The following RYR3 variants were observed in gnomAD, a reference collection of about 807,000 sequenced individuals.
RYR3 encodes ryanodine receptor 3.
In RYR3, 207 loss-of-function variants were observed where a neutral mutation model predicts 584.3. The ratio of observed to expected loss-of-function variants is 0.35; its 90% CI spans 0.32 to 0.40. The LOEUF is 0.40. Ranked by LOEUF, RYR3 falls within the 10% of genes least tolerant of loss-of-function variation. RYR3 has a pLI of 1.00. For missense variants in RYR3, 5,616 were observed against 6,089.2 expected (o/e 0.92, Z 2.59); for synonymous variants, 2,416 against 2,248.5 (o/e 1.07, Z -2.11).
intron 1 of RYR3, among the ~76,000 whole-genome samples, chr15:33,356,020 A>G (rs930382667): frequency 6.6e-6 from 1 of 152,140 alleles, no homozygotes; most frequent in Non-Finnish European, 1.5e-5. Context: ...TCAGGTGGAG[A>G]TTTCCTGCAG....
intron 1 of RYR3, among the ~76,000 whole-genome samples, chr15:33,322,498 A>G (rs1463827061): frequency 6.6e-6 from 1 of 152,144 alleles, no homozygotes; most frequent in African/African-American, 2.4e-5. Flanking sequence ...CACCTCCAAC[A>G]CTGGGGATTA....
chr15:33,347,947 A>ATT (rs139105934), intron 1 of RYR3, among the ~76,000 whole-genome samples: 84 of 146,418 alleles, frequency 5.7e-4, no homozygotes, highest in East Asian at 3.8e-3. Context: ...TGCTACTGGC[A>ATT]TTTTTTTTTT....
At chr15:33,680,704 T>C (rs913524117) in intron 38 of RYR3, among the ~76,000 whole-genome samples, 1 of 152,228 alleles carries the variant, frequency 6.6e-6, no homozygotes, top group African/African-American at 2.4e-5. Context: ...TTGGGTCATT[T>C]TACATTCCTG....
intron 9 of RYR3, among the ~76,000 whole-genome samples, chr15:33,548,960 A>C (rs2056460598): frequency 6.6e-6 from 1 of 152,112 alleles, no homozygotes; most frequent in African/African-American, 2.4e-5. Flanking sequence ...GTTCAAAATA[A>C]GTCTCTCTCA....
intron 1 of RYR3, among the ~76,000 whole-genome samples, chr15:33,444,902 TAAA>T (rs562364499): frequency 1.5e-5 from 2 of 133,480 alleles, no homozygotes; most frequent in Non-Finnish European, 3.3e-5. Context: ...ACTTAAAGTA[TAAA>T]AAAAAAAAAA....
At chr15:33,592,176 T>C (rs2059161787) in intron 16 of RYR3, among the ~76,000 whole-genome samples, 1 of 152,168 alleles carries the variant, frequency 6.6e-6, no homozygotes, top group Non-Finnish European at 1.5e-5. Flanking sequence ...CTTAGCGTAG[T>C]CAAAATTTAT....
chr15:33,456,016 C>A (rs1490278055), intron 1 of RYR3, among the ~76,000 whole-genome samples: 1 of 152,132 alleles, frequency 6.6e-6, no homozygotes, highest in African/African-American at 2.4e-5. Context: ...TTAAATATCC[C>A]AGAGAAGATA....
intron 21 of RYR3, 110 bp from the exon 22 acceptor site, chr15:33,629,830 C>A (rs2061179533): frequency 1.7e-6 from 1 of 597,688 alleles, no homozygotes; most frequent in South Asian, 2.3e-5. Flanking sequence ...CTTTCTCTTG[C>A]CTGATATGGA....
chr15:33,840,556 C>A, intron 89 of RYR3: 1 of 494,020 alleles, frequency 2.0e-6, no homozygotes, highest in Non-Finnish European at 3.6e-6. Flanking sequence ...CCTTGAGGCT[C>A]TTACAATGTC....
chr15:33,529,661 AAG>A (rs1180869875), intron 3 of RYR3, among the ~76,000 whole-genome samples: 1 of 152,142 alleles, frequency 6.6e-6, no homozygotes, highest in Non-Finnish European at 1.5e-5. Flanking sequence ...TTTCTCCAAA[AAG>A]GGTGTGTGAT....
At chr15:33,665,555 C>T (rs114514507) in intron 36 of RYR3, among the ~76,000 whole-genome samples, 388 of 152,332 alleles carry the variant, frequency 2.5e-3, no homozygotes, top group African/African-American at 8.9e-3. Flanking sequence ...GCCCACCCAA[C>T]ACTGTCCTCG....
intron 1 of RYR3, among the ~76,000 whole-genome samples, chr15:33,435,424 T>C (rs937770290): frequency 5.3e-5 from 8 of 152,206 alleles, no homozygotes; most frequent in Non-Finnish European, 1.0e-4. Flanking sequence ...TCATTATGCT[T>C]TTTTCCAGTC....
In RYR3 at chr15:33,766,346, T is replaced by A. The variant is rs193124448; in HGVS notation, c.8706-2312T>A. 1.7e-4 allele frequency among the ~76,000 whole-genome samples: 26 copies of A among 151,768 alleles called. 1 individual carries two copies. The highest frequency in any genetic ancestry group is 6.3e-4 in the South Asian group (3 of 4,796). On this transcript the variant is annotated intron_variant, in intron 60 of 103. Transcript: ENST00000634891. ...CCTCTGTATCCACGTGAAGTATGAT[T>A]TATCCTGCACCCTAATTACTTACTC...
chr15:33,379,329 C>T (rs1300704926), intron 1 of RYR3, among the ~76,000 whole-genome samples: 1 of 152,120 alleles, frequency 6.6e-6, no homozygotes, highest in Admixed American at 6.5e-5. Flanking sequence ...GGCTATTTCT[C>T]ATTATGCTCT....
At chr15:33,457,819 A>G (rs1567280091) in intron 1 of RYR3, among the ~76,000 whole-genome samples, 1 of 152,228 alleles carries the variant, frequency 6.6e-6, no homozygotes, top group Non-Finnish European at 1.5e-5. Context: ...TTGAAACATC[A>G]CACTCTACCC....
At position 33,655,828 on chromosome 15, in the gene RYR3, C is replaced by T. The variant is rs534843767; in HGVS notation, c.4308+2945C>T. Among the ~76,000 whole-genome samples, 14 of 152,258 alleles carry T rather than the reference C, an allele frequency of 9.2e-5. No individual in the cohort carries two copies. In the South Asian group the frequency reaches 2.9e-3, roughly 31 times the overall value. On this transcript the variant is annotated intron_variant, in intron 32 of 103. Coordinates refer to ENST00000634891, the MANE Select transcript of RYR3 (RefSeq NM_001036.6). ...CCTGACAGTGGGATCGTTGTTATTC[C>T]ACAGCTGTAGCCATTTTCATTTTTC...
At chr15:33,803,007 C>T (rs2075996758) in intron 69 of RYR3, among the ~76,000 whole-genome samples, 1 of 152,182 alleles carries the variant, frequency 6.6e-6, no homozygotes, top group East Asian at 1.9e-4. Flanking sequence ...AAGCTGCAGA[C>T]AAGGGGCTGG....
intron 36 of RYR3, among the ~76,000 whole-genome samples, chr15:33,667,434 C>G (rs28595182): frequency 0.18 from 27,180 of 152,066 alleles, 3,054 homozygotes; most frequent in East Asian, 0.24. Flanking sequence ...AAACAAGTAC[C>G]TGACTTTGAC....
chr15:33,689,468 G>C (rs2065266773), intron 38 of RYR3, among the ~76,000 whole-genome samples: 1 of 152,010 alleles, frequency 6.6e-6, no homozygotes, highest in African/African-American at 2.4e-5. Flanking sequence ...CACACATACA[G>C]GTACTTTATG....
Sources: allele counts gnomAD v4.1 joint callset (sites outside exome capture counted in the v4.1 genomes callset), GRCh38; gene constraint gnomAD v4.1.1; transcripts MANE v1.5; gene names NCBI Gene and HGNC (gene_info 2026-07-23, HGNC 2026-07-21).